APP: variants seen among roughly 807,000 people sequenced by gnomAD.
The protein encoded by APP is amyloid beta precursor protein, also known as amyloid-beta precursor protein.
Under a neutral mutation model 101.4 loss-of-function variants are expected in APP, and 31 were observed. The observed-to-expected ratio is 0.31, with a 90% confidence interval of 0.23 to 0.41. The LOEUF (loss-of-function observed/expected upper bound fraction) is 0.41, where lower values mean the gene tolerates loss of function less well. Ranked by LOEUF, APP falls within the 10% of genes least tolerant of loss-of-function variation. The pLI is 1.00. For missense variants in APP, 839 were observed against 1,003.7 expected (o/e 0.84, Z 2.22); for synonymous variants, 366 against 364.4 (o/e 1.00, Z -0.05).
chr21:26,091,456 T>C (rs1178687724), intron 2 of APP, among the ~76,000 whole-genome samples: 4 of 152,092 alleles, frequency 2.6e-5, no homozygotes, highest in African/African-American at 9.7e-5. Context: ...CAATGGGTGA[T>C]GGAGAATGAT....
chr21:25,995,907 A>T (rs2043037253), intron 8 of APP, among the ~76,000 whole-genome samples: 1 of 152,008 alleles, frequency 6.6e-6, no homozygotes, highest in Admixed American at 6.6e-5. Context: ...TATCATCTTT[A>T]AAAAAGATAA....
intron 5 of APP, among the ~76,000 whole-genome samples, chr21:26,032,040 A>G (rs1022853232): frequency 1.3e-5 from 2 of 152,002 alleles, no homozygotes; most frequent in African/African-American, 4.8e-5. Flanking sequence ...GTAAGTAGAA[A>G]AGTACTTTAA....
chr21:26,143,126 C>T (rs971504621), intron 1 of APP, among the ~76,000 whole-genome samples: 12 of 152,118 alleles, frequency 7.9e-5, no homozygotes, highest in African/African-American at 2.9e-4. Flanking sequence ...GAAAAAAATG[C>T]TTCAAGTTAA....
chr21:25,882,664 C>T (rs567078138), intron 17 of APP, among the ~76,000 whole-genome samples: 7 of 151,842 alleles, frequency 4.6e-5, no homozygotes, highest in South Asian at 4.2e-4. Flanking sequence ...TCTCCCCGTT[C>T]GCAGAAGAGA....
At chr21:25,904,088 A>C (rs2038658143) in intron 15 of APP, among the ~76,000 whole-genome samples, 1 of 152,204 alleles carries the variant, frequency 6.6e-6, no homozygotes, top group South Asian at 2.1e-4. Flanking sequence ...CTGTTCTTTG[A>C]CTATCGCCTG....
intron 3 of APP, among the ~76,000 whole-genome samples, chr21:26,056,874 C>T (rs954344051): frequency 6.6e-6 from 1 of 152,146 alleles, no homozygotes; most frequent in Admixed American, 6.5e-5. Context: ...TTTGATGAAA[C>T]ATGTTAGAAG....
intron 5 of APP, among the ~76,000 whole-genome samples, chr21:26,048,859 T>C (rs1168866320): frequency 1.3e-5 from 2 of 152,214 alleles, no homozygotes; most frequent in African/African-American, 4.8e-5. Context: ...CAAATATCTT[T>C]ATCATACATT....
At chr21:25,995,290 G>A (rs1380936606) in intron 8 of APP, among the ~76,000 whole-genome samples, 2 of 152,132 alleles carry the variant, frequency 1.3e-5, no homozygotes, top group African/African-American at 4.8e-5. Flanking sequence ...TTACTGATGC[G>A]TGCTCTATTC....
At chr21:25,941,868 CT>C (rs1001064529) in intron 13 of APP, 1 of 152,196 alleles carries the variant, frequency 6.6e-6, no homozygotes, top group Non-Finnish European at 1.5e-5. Flanking sequence ...GCTAAAAACT[CT>C]TATGTCTGAT....
chr21:26,109,441 T>A (rs953168767), intron 2 of APP, among the ~76,000 whole-genome samples: 6 of 152,228 alleles, frequency 3.9e-5, no homozygotes, highest in Non-Finnish European at 7.3e-5. Flanking sequence ...GCTCTGGCCA[T>A]GTGAACATGT....
chr21:25,900,378 CAAAAAAAAAAAAAAAA>C (rs60231150), intron 15 of APP, among the ~76,000 whole-genome samples: 2 of 59,470 alleles, frequency 3.4e-5, no homozygotes, highest in East Asian at 5.1e-4. Context: ...ACTAAAAATA[CAAAAAAAAAAAAAAAA>C]AAAAAAAAAA....
chr21:26,142,267 G>A (rs2063062774), intron 1 of APP, among the ~76,000 whole-genome samples: 1 of 152,134 alleles, frequency 6.6e-6, no homozygotes, highest in African/African-American at 2.4e-5. Context: ...GCATGTTGTG[G>A]AACCAGAGAG....
At chr21:26,004,746 C>T (rs917741102) in intron 6 of APP, among the ~76,000 whole-genome samples, 1 of 152,104 alleles carries the variant, frequency 6.6e-6, no homozygotes, top group Admixed American at 6.5e-5. Context: ...TTGTTTGCTG[C>T]ACCCATAAAC....
At position 25,975,093 on chromosome 21, in the gene APP, C is replaced by A. The variant is rs143794560; in HGVS notation, c.1435G>T (p.Ala479Ser). 9.1e-5 allele frequency: 147 copies of A among 1,613,950 alleles called. No homozygotes were observed. Among genetic ancestry groups the A allele is most frequent in the Non-Finnish European group, 1.2e-4 (144 of 1,180,018 alleles). ...ACCCGAGGAGGAACAGCCTGCAGAG[C>A]GGTGATGTAGTTCTCCAGGGCCAGG... ...RRLALENYIT[A>S]LQAVPPRPRH... The change falls in exon 11 of 18, where the codon GCT (alanine) becomes TCT (serine). Residue 479 changes from alanine (A) to serine (S), a missense_variant. Ala to Ser is a moderately conservative substitution (Grantham distance 99). Transcript: ENST00000346798.
chr21:25,907,930 T>G (rs1485545897), intron 14 of APP, among the ~76,000 whole-genome samples: 1 of 151,306 alleles, frequency 6.6e-6, no homozygotes, highest in East Asian at 1.9e-4. Context: ...CAGCTTCACA[T>G]TTTGCAAATA....
intron 13 of APP, among the ~76,000 whole-genome samples, chr21:25,917,389 A>C (rs2039405907): frequency 6.6e-6 from 1 of 152,140 alleles, no homozygotes; most frequent in Non-Finnish European, 1.5e-5. Context: ...AAAGATAATA[A>C]TTTCATCTTC....
intron 1 of APP, among the ~76,000 whole-genome samples, chr21:26,148,353 C>T (rs895700927): frequency 6.6e-5 from 10 of 152,186 alleles, no homozygotes; most frequent in African/African-American, 1.9e-4. Context: ...AGGACTAGGG[C>T]AGGAGAGTAG....
chr21:25,897,745 CA>C, intron 15 of APP, 72 bp from the exon 16 acceptor site: 1 of 1,330,636 alleles, frequency 7.5e-7, no homozygotes, highest in Non-Finnish European at 1.1e-6. Context: ...CACTGTAAGA[CA>C]AAGCCTACCC....
chr21:25,915,036 T>C (rs1225060028), intron 13 of APP, among the ~76,000 whole-genome samples: 5 of 152,228 alleles, frequency 3.3e-5, no homozygotes, highest in Non-Finnish European at 7.3e-5. Context: ...TCCCTCTTTG[T>C]TTCAGTGGGT....
Sources: gnomAD v4.1 joint callset for allele counts (sites outside exome capture counted in the v4.1 genomes callset) on GRCh38, gnomAD v4.1.1 for gene constraint, MANE v1.5 for transcripts, NCBI Gene and HGNC (gene_info 2026-07-23, HGNC 2026-07-21) for gene names.